The following CPQ variants were observed in gnomAD, a reference collection of about 807,000 sequenced individuals.
CPQ encodes the protein Ser-Met dipeptidase.
Under a neutral mutation model 45.7 loss-of-function variants are expected in CPQ, and 37 were observed. The observed-to-expected ratio is 0.81, with a 90% confidence interval of 0.62 to 1.07. CPQ has a LOEUF of 1.07. Ranked by LOEUF, CPQ falls within the 50% of genes least tolerant of loss-of-function variation. The probability of loss-of-function intolerance (pLI) is 0.00; values close to 1 mark genes in which losing one functional copy is unlikely to be tolerated. For missense variants in CPQ, 537 were observed against 572.9 expected (o/e 0.94, Z 0.64); for synonymous variants, 186 against 205.8 (o/e 0.90, Z 0.82).
chr8:96,719,035 C>T (rs1030205519), intron 1 of CPQ, among the ~76,000 whole-genome samples: 7 of 152,254 alleles, frequency 4.6e-5, no homozygotes, highest in African/African-American at 1.2e-4. Context: ...CAGTAGATCC[C>T]GCACCGGGGC....
At chr8:96,751,480 G>A (rs888579577) in intron 1 of CPQ, among the ~76,000 whole-genome samples, 3 of 151,954 alleles carry the variant, frequency 2.0e-5, no homozygotes, top group African/African-American at 7.3e-5. Flanking sequence ...TTTTTAATGG[G>A]GTTGTTTAAT....
At chr8:97,129,165 T>C (rs66525907) in intron 7 of CPQ, among the ~76,000 whole-genome samples, 36,195 of 152,086 alleles carry the variant, frequency 0.24, 5,457 homozygotes, top group Non-Finnish European at 0.33. Context: ...CACAGATTCA[T>C]ATGAGAAGTT....
At chr8:96,744,445 G>C (rs111803847) in intron 1 of CPQ, among the ~76,000 whole-genome samples, 1 of 152,206 alleles carries the variant, frequency 6.6e-6, no homozygotes, top group African/African-American at 2.4e-5. Flanking sequence ...TTCTGCGTCG[G>C]TCATGCTGGG....
At chr8:97,098,482 C>A (rs991344617) in intron 7 of CPQ, among the ~76,000 whole-genome samples, 1 of 152,154 alleles carries the variant, frequency 6.6e-6, no homozygotes, top group Non-Finnish European at 1.5e-5. Flanking sequence ...CCTGCTGGTC[C>A]TTACAGGAAT....
At chr8:96,997,592 G>A (rs1386203264) in intron 5 of CPQ, among the ~76,000 whole-genome samples, 2 of 151,738 alleles carry the variant, frequency 1.3e-5, no homozygotes. Flanking sequence ...AAAAATTTCA[G>A]GAGAAAAATT....
intron 4 of CPQ, among the ~76,000 whole-genome samples, chr8:96,929,309 A>G (rs977096963): frequency 2.6e-5 from 4 of 152,186 alleles, no homozygotes; most frequent in African/African-American, 9.6e-5. Flanking sequence ...GATGTGACCA[A>G]TTGTATTGGT....
chr8:97,006,437 G>A (rs749490712), intron 5 of CPQ, among the ~76,000 whole-genome samples: 4 of 152,104 alleles, frequency 2.6e-5, no homozygotes, highest in African/African-American at 7.2e-5. Flanking sequence ...ATAGTCAGTC[G>A]ACAGGACAGG....
At chr8:96,656,595 C>A (rs1236461465) in intron 1 of CPQ, among the ~76,000 whole-genome samples, 1 of 152,142 alleles carries the variant, frequency 6.6e-6, no homozygotes, top group Non-Finnish European at 1.5e-5. Flanking sequence ...TTGAGTCACT[C>A]TTTGGATTTC....
At chr8:96,717,232 G>T (rs1809694632) in intron 1 of CPQ, among the ~76,000 whole-genome samples, 1 of 150,706 alleles carries the variant, frequency 6.6e-6, no homozygotes. Flanking sequence ...TTTTTCTTTG[G>T]GTAGATAGCC....
chr8:96,648,110 G>C (rs913302742), intron 1 of CPQ, among the ~76,000 whole-genome samples: 2 of 152,184 alleles, frequency 1.3e-5, no homozygotes, highest in African/African-American at 4.8e-5. Flanking sequence ...GACGAAAAGA[G>C]AGGCCCATAA....
intron 1 of CPQ, among the ~76,000 whole-genome samples, chr8:96,654,451 A>G (rs1815615054): frequency 6.6e-6 from 1 of 152,162 alleles, no homozygotes; most frequent in African/African-American, 2.4e-5. Context: ...GGCTTTCATG[A>G]TGTTCTCTCT....
chr8:97,080,342 ACATTT>A (rs1810923614), intron 7 of CPQ, among the ~76,000 whole-genome samples: 1 of 33,784 alleles, frequency 3.0e-5, no homozygotes, highest in African/African-American at 6.3e-5. Context: ...TCTTAGAGTG[ACATTT>A]CAGTCTTAGA....
At chr8:97,058,386 T>C (rs2130516641) in intron 6 of CPQ, among the ~76,000 whole-genome samples, 1 of 152,168 alleles carries the variant, frequency 6.6e-6, no homozygotes, top group Middle Eastern at 3.4e-3. Flanking sequence ...AGAAGGACAT[T>C]AGAGGTCAAC....
chr8:97,081,116 C>G (rs1810942900), intron 7 of CPQ, among the ~76,000 whole-genome samples: 1 of 152,068 alleles, frequency 6.6e-6, no homozygotes, highest in Non-Finnish European at 1.5e-5. Flanking sequence ...TACATTTTTA[C>G]AGAAATAGTT....
intron 3 of CPQ, among the ~76,000 whole-genome samples, chr8:96,854,557 A>AAAAC (rs1554573253): frequency 0.021 from 1,637 of 76,874 alleles, 224 homozygotes; most frequent in African/African-American, 0.029. Flanking sequence ...AAAAAAAAAA[A>AAAAC]AATGTGGTGG....
chr8:96,787,322 A>G (rs979039041), intron 2 of CPQ, among the ~76,000 whole-genome samples: 1 of 152,006 alleles, frequency 6.6e-6, no homozygotes, highest in African/African-American at 2.4e-5. Flanking sequence ...TGAAAAGACT[A>G]TTCTTTCTCC....
At chr8:96,964,185 C>T (rs1469840167) in intron 4 of CPQ, among the ~76,000 whole-genome samples, 2 of 126,880 alleles carry the variant, frequency 1.6e-5, no homozygotes, top group Non-Finnish European at 3.7e-5. Context: ...CACACACACA[C>T]ACACACACAC....
At chr8:96,820,801 T>A (rs1281896389) in intron 2 of CPQ, among the ~76,000 whole-genome samples, 2 of 152,094 alleles carry the variant, frequency 1.3e-5, no homozygotes, top group Non-Finnish European at 2.9e-5. Flanking sequence ...TTTGATGTAT[T>A]GATTTCCTTT....
chr8:96,798,034 G>C (rs976498151), intron 2 of CPQ, among the ~76,000 whole-genome samples: 5 of 150,704 alleles, frequency 3.3e-5, no homozygotes, highest in African/African-American at 1.2e-4. Flanking sequence ...CTGGGCGGCA[G>C]AGCAAGACTC....
Sources: allele counts gnomAD v4.1 joint callset (sites outside exome capture counted in the v4.1 genomes callset), GRCh38; gene constraint gnomAD v4.1.1; transcripts MANE v1.5; gene names NCBI Gene and HGNC (gene_info 2026-07-23, HGNC 2026-07-21).